Variants in EPHA3 observed in about 807,000 individuals in gnomAD.
The protein encoded by EPHA3 is ephrin type-A receptor 3.
In EPHA3, 42 loss-of-function variants were observed where a neutral mutation model predicts 107.1. The observed-to-expected ratio is 0.39, with a 90% CI of 0.31 to 0.51. The LOEUF is 0.51. Ranked by LOEUF, EPHA3 falls within the 20% of genes least tolerant of loss-of-function variation. EPHA3 has a pLI of 0.78. For missense variants in EPHA3, 1,183 were observed against 1,211.2 expected, an observed-to-expected ratio of 0.98 and a Z score of 0.35; for synonymous variants, 461 against 424.8, an observed-to-expected ratio of 1.09 and a Z score of -1.05.
intron 13 of EPHA3, among the ~76,000 whole-genome samples, chr3:89,438,454 C>T (rs1280895213): frequency 3.9e-5 from 6 of 151,990 alleles, no homozygotes; most frequent in African/African-American, 7.3e-5. Flanking sequence ...AGAAAAGTGG[C>T]TAAGCAAGTG....
intron 1 of EPHA3, among the ~76,000 whole-genome samples, chr3:89,122,856 A>G (rs957915819): frequency 9.9e-5 from 15 of 152,200 alleles, no homozygotes; most frequent in Admixed American, 6.5e-5. Flanking sequence ...TACTAAGAAG[A>G]AAAGACTATG....
At chr3:89,246,954 A>C (rs1705048121) in intron 3 of EPHA3, among the ~76,000 whole-genome samples, 1 of 152,182 alleles carries the variant, frequency 6.6e-6, no homozygotes, top group East Asian at 1.9e-4. Flanking sequence ...ACAGAACAAG[A>C]GCAAATGTTA....
At chr3:89,466,917 A>T (rs1251170273) in intron 15 of EPHA3, among the ~76,000 whole-genome samples, 1 of 151,918 alleles carries the variant, frequency 6.6e-6, no homozygotes, top group East Asian at 1.9e-4. Flanking sequence ...GAGGAATTAA[A>T]CCAGGTGTAA....
intron 5 of EPHA3, among the ~76,000 whole-genome samples, chr3:89,344,053 C>T (rs951978025): frequency 1.3e-5 from 2 of 151,992 alleles, no homozygotes; most frequent in Admixed American, 6.6e-5. Context: ...AATGGTTTTC[C>T]GGAGCGCTAT....
At chr3:89,159,453 A>C (rs531572444) in intron 2 of EPHA3, among the ~76,000 whole-genome samples, 48 of 152,198 alleles carry the variant, frequency 3.2e-4, no homozygotes, top group African/African-American at 1.1e-3. Flanking sequence ...TGTAATTACC[A>C]CCACCGTTAG....
intron 3 of EPHA3, among the ~76,000 whole-genome samples, chr3:89,257,967 A>G (rs1705324839): frequency 1.3e-5 from 2 of 152,216 alleles, no homozygotes; most frequent in South Asian, 4.1e-4. Context: ...TTAAAAATTA[A>G]TTACAAAGAG....
chr3:89,433,554 A>G (rs778362227), intron 13 of EPHA3, among the ~76,000 whole-genome samples: 20 of 152,010 alleles, frequency 1.3e-4, no homozygotes, highest in Non-Finnish European at 2.5e-4. Flanking sequence ...TGTTTTTCCA[A>G]TTTTCAAATA....
chr3:89,167,158 C>T (rs1705090314), intron 2 of EPHA3, among the ~76,000 whole-genome samples: 1 of 152,060 alleles, frequency 6.6e-6, no homozygotes, highest in African/African-American at 2.4e-5. Flanking sequence ...ATATTTTTAT[C>T]ATGTACAACA....
intron 2 of EPHA3, among the ~76,000 whole-genome samples, chr3:89,192,455 C>A (rs1427859290): frequency 6.6e-6 from 1 of 151,740 alleles, no homozygotes; most frequent in Non-Finnish European, 1.5e-5. Context: ...GTAAAATATA[C>A]TATATATACT....
chr3:89,368,496 C>T (rs1389681770), intron 5 of EPHA3, among the ~76,000 whole-genome samples: 3 of 150,392 alleles, frequency 2.0e-5, no homozygotes, highest in Non-Finnish European at 4.5e-5. Context: ...CAGTCTGAGG[C>T]CAAAGGCTTA....
chr3:89,278,792 C>T (rs758084630), intron 3 of EPHA3, among the ~76,000 whole-genome samples: 3 of 152,114 alleles, frequency 2.0e-5, no homozygotes, highest in East Asian at 1.9e-4. Context: ...CAGAGGTTTG[C>T]CTTAATTTCC....
intron 3 of EPHA3, among the ~76,000 whole-genome samples, chr3:89,225,852 AC>A (rs1704489068): frequency 6.6e-6 from 1 of 152,114 alleles, no homozygotes; most frequent in African/African-American, 2.4e-5. Flanking sequence ...TAGGAAAAGA[AC>A]CCAAGGGGCT....
chr3:89,142,474 A>T (rs947987452), intron 2 of EPHA3, among the ~76,000 whole-genome samples: 1 of 151,384 alleles, frequency 6.6e-6, no homozygotes, highest in African/African-American at 2.4e-5. Flanking sequence ...TGCTTTAAAC[A>T]TACCAAAAAA....
intron 13 of EPHA3, among the ~76,000 whole-genome samples, chr3:89,447,955 C>G (rs749020677): frequency 6.6e-6 from 1 of 152,132 alleles, no homozygotes; most frequent in Non-Finnish European, 1.5e-5. Context: ...CACATTTTGA[C>G]GAACACGGCT....
At chr3:89,134,536 A>G (rs186443967) in intron 2 of EPHA3, among the ~76,000 whole-genome samples, 80 of 152,290 alleles carry the variant, frequency 5.3e-4, no homozygotes, top group African/African-American at 1.8e-3. Flanking sequence ...GTCCCTACAA[A>G]GGACATGAAC....
intron 2 of EPHA3, among the ~76,000 whole-genome samples, chr3:89,198,742 G>A (rs1200537929): frequency 1.3e-5 from 2 of 152,124 alleles, no homozygotes; most frequent in African/African-American, 4.8e-5. Flanking sequence ...GGAGTGCTCC[G>A]CAGGTATATT....
chr3:89,219,466 CACA>C (rs1206126154), intron 3 of EPHA3, among the ~76,000 whole-genome samples: 1 of 151,216 alleles, frequency 6.6e-6, no homozygotes, highest in Non-Finnish European at 1.5e-5. Context: ...CCCTGCCCCC[CACA>C]ACAATTTATG....
intron 3 of EPHA3, among the ~76,000 whole-genome samples, chr3:89,253,455 G>T (rs1705208805): frequency 6.6e-6 from 1 of 152,050 alleles, no homozygotes; most frequent in South Asian, 2.1e-4. Context: ...CATGGCTTAA[G>T]GCAGTCTTTA....
chr3:89,474,356 C>T (rs1187382592), intron 16 of EPHA3, among the ~76,000 whole-genome samples: 2 of 152,114 alleles, frequency 1.3e-5, no homozygotes, highest in Admixed American at 6.5e-5. Context: ...CTGACCCAAT[C>T]GACAGTACAC....
Sources: allele counts gnomAD v4.1 joint callset (sites outside exome capture counted in the v4.1 genomes callset), GRCh38; gene constraint gnomAD v4.1.1; transcripts MANE v1.5; gene names NCBI Gene and HGNC (gene_info 2026-07-23, HGNC 2026-07-21).